Variants in LPGAT1 observed in about 807,000 individuals in gnomAD.
LPGAT1 encodes acyl-CoA:lysophosphatidylglycerol acyltransferase 1.
LPGAT1 carries 11 observed loss-of-function variants against 47.5 expected under a neutral mutation model. The observed-to-expected ratio is 0.23, with a 90% CI of 0.15 to 0.38. The LOEUF (loss-of-function observed/expected upper bound fraction) is 0.38. LPGAT1 is among the 10% of genes least tolerant of loss of function. The probability of loss-of-function intolerance (pLI) is 1.00; values close to 1 mark genes in which losing one functional copy is unlikely to be tolerated. For missense variants in LPGAT1, 293 were observed against 439.0 expected (o/e 0.67, Z 2.97); for synonymous variants, 138 against 144.2 (o/e 0.96, Z 0.31).
intron 2 of LPGAT1, among the ~76,000 whole-genome samples, chr1:211,806,604 C>T (rs926410272): frequency 6.6e-6 from 1 of 152,158 alleles, no homozygotes; most frequent in African/African-American, 2.4e-5. Context: ...GAAACCCAAA[C>T]TTCAGCATCA....
intron 2 of LPGAT1, among the ~76,000 whole-genome samples, chr1:211,821,687 G>A (rs1004852030): frequency 1.2e-4 from 18 of 152,134 alleles, no homozygotes; most frequent in African/African-American, 4.3e-4. Context: ...GACTAAGATT[G>A]GGTGAGGAAG....
Position 211,788,996 on chromosome 1 carries a change from T to C in LPGAT1, c.358-1269A>G, listed in dbSNP as rs188710673. ...AATATTACAGCTTCTGCCTTAGTTT[T>C]CCAGCTACACAACTCCTACTCCATC... On this transcript the variant is annotated intron_variant, in intron 3 of 7. Transcript: ENST00000366997. 5.3e-5 allele frequency among the ~76,000 whole-genome samples: 8 copies of C among 152,338 alleles called. No individual in the cohort carries two copies. The East Asian group carries it at 1.5e-3, about 29-fold the overall frequency.
Position 211,783,970 on chromosome 1 carries a change from TGAG to T in LPGAT1, c.454-471_454-469del, listed in dbSNP as rs762664050. On this transcript the variant is annotated intron_variant, in intron 4 of 7. Transcript: ENST00000366997. ...TCAAGAGGGTCAGAGAAAGCTGCTATGAGGAGGTGACATTTGAGCAGAACTGAT... is the reference window on the plus strand; with the variant it reads ...TCAAGAGGGTCAGAGAAAGCTGCTATGAGGTGACATTTGAGCAGAACTGAT... Among the ~76,000 whole-genome samples, 184 of 152,294 alleles carry T rather than the reference TGAG, an allele frequency of 1.2e-3. 1 individual carries two copies. Among genetic ancestry groups the T allele is most frequent in the Admixed American group, 3.0e-3 (46 of 15,300 alleles).
chr1:211,828,173 G>C (rs1244107632), intron 2 of LPGAT1, among the ~76,000 whole-genome samples: 1 of 152,214 alleles, frequency 6.6e-6, no homozygotes. Context: ...TGATCTTCAA[G>C]GAGCCTGCCT....
At chr1:211,772,298 C>G (rs1179364119) in intron 6 of LPGAT1, among the ~76,000 whole-genome samples, 1 of 152,150 alleles carries the variant, frequency 6.6e-6, no homozygotes, top group Non-Finnish European at 1.5e-5. Context: ...TGGACTTCCT[C>G]CTATAACTAC....
Position 211,770,372 on chromosome 1 carries a change from T to C in LPGAT1, c.854+8546A>G, listed in dbSNP as rs61828463. Among the ~76,000 whole-genome samples, 434 of 152,350 alleles carry C rather than the reference T, an allele frequency of 2.8e-3. 1 individual carries two copies. Among genetic ancestry groups the C allele is most frequent in the Non-Finnish European group, 5.4e-3 (367 of 68,034 alleles). ...AATAGTATTTTGCCCTGTTTTGCAT[T>C]TCCCTGATCTTTTCATATATTTTTA... On this transcript the variant is annotated intron_variant, in intron 6 of 7. Transcript: ENST00000366997.
chr1:211,796,943 A>C (rs558542668), intron 2 of LPGAT1, among the ~76,000 whole-genome samples: 22 of 152,292 alleles, frequency 1.4e-4, no homozygotes, highest in Non-Finnish European at 2.5e-4. Context: ...ACCAAGACTC[A>C]CATAGCATGC....
intron 6 of LPGAT1, among the ~76,000 whole-genome samples, chr1:211,751,556 A>C (rs549853840): frequency 6.6e-6 from 1 of 152,128 alleles, no homozygotes; most frequent in African/African-American, 2.4e-5. Context: ...TACTGCTTTC[A>C]TGAATAGGGG....
At chr1:211,823,853 G>A (rs972906905) in intron 2 of LPGAT1, among the ~76,000 whole-genome samples, 1 of 151,196 alleles carries the variant, frequency 6.6e-6, no homozygotes, top group African/African-American at 2.4e-5. Flanking sequence ...CAGGAGAATC[G>A]CTTTTGAGTC....
rs936117060 is a variant in LPGAT1 at position 211,830,465 on chromosome 1, G to A, written c.-28+108C>T. 2.6e-6 allele frequency: 3 copies of A among 1,176,056 alleles called. No individual in the cohort carries two copies. The highest frequency in any genetic ancestry group is 7.2e-5 in the East Asian group (2 of 27,654). 72.9% of individuals were successfully genotyped at this position (1,176,056 alleles called of 1,614,324 possible). On this transcript the variant is annotated intron_variant, in intron 1 of 7. Transcript: ENST00000366997. The surrounding 1 kb of genome is among the most constrained non-coding windows in gnomAD (Gnocchi z 5.9). ...CGCCCTCGTCCCTCAGGCCGCTGCC[G>A]CCTCCCCGGGCCACGCGACGACGAC...
chr1:211,770,534 G>A (rs752873247), intron 6 of LPGAT1, among the ~76,000 whole-genome samples: 50 of 152,102 alleles, frequency 3.3e-4, no homozygotes, highest in Non-Finnish European at 5.6e-4. Context: ...AGTCAACGAC[G>A]GACTGCATAT....
intron 6 of LPGAT1, among the ~76,000 whole-genome samples, chr1:211,753,541 C>T (rs1370119439): frequency 6.6e-6 from 1 of 151,606 alleles, no homozygotes. Flanking sequence ...TCCTATTGTT[C>T]TCAGTCTTTT....
In LPGAT1 at chr1:211,749,833, A is replaced by G. The variant is rs190994523; in HGVS notation, c.*66T>C. 79 of 1,504,376 alleles carry G rather than the reference A, an allele frequency of 5.3e-5. No individual in the cohort carries two copies. In the African/African-American group the frequency reaches 7.0e-4, roughly 13 times the overall value. 93.2% of individuals were successfully genotyped at this position (1,504,376 alleles called of 1,614,324 possible). A position where few individuals can be genotyped will look rare whatever the true frequency, so the allele number is the denominator to read the frequency against. ...AATATATTCTGATTTGCACATGTAA[A>G]ATAATGCACACTTATGAAAGAAAGT... is the stretch of plus-strand genomic sequence containing the variant. On this transcript the variant is annotated 3_prime_UTR_variant, in exon 8 of 8. Transcript: ENST00000366997.
rs1656913076 is a variant in LPGAT1, at chr1:211,745,645, C to G, written c.*4254G>C. On this transcript the variant is annotated 3_prime_UTR_variant, in exon 8 of 8. Coordinates refer to ENST00000366997, the MANE Select transcript of LPGAT1 (RefSeq NM_014873.3). ...CCATGTGGCTACAGTCACCCTTCCC[C>G]AACAGTTCAGCACCCTCAGCTTATT... The G allele has an allele frequency of 6.6e-6, 1 of 152,636 alleles. No individual in the cohort carries two copies. Among genetic ancestry groups the G allele is most frequent in the Non-Finnish European group, 1.5e-5 (1 of 68,048 alleles). 9.5% of individuals were successfully genotyped at this position (152,636 alleles called of 1,614,324 possible).
At chr1:211,769,088 C>T (rs1244747185) in intron 6 of LPGAT1, among the ~76,000 whole-genome samples, 1 of 152,102 alleles carries the variant, frequency 6.6e-6, no homozygotes, top group Non-Finnish European at 1.5e-5. Context: ...AGCACAGACA[C>T]AATTTGACTT....
intron 2 of LPGAT1, among the ~76,000 whole-genome samples, chr1:211,800,990 C>A (rs531355354): frequency 6.6e-6 from 1 of 152,302 alleles, no homozygotes; most frequent in Admixed American, 6.5e-5. Context: ...TTGGGGTTCC[C>A]CAGTGAAATA....
At chr1:211,771,592 C>T (rs184926358) in intron 6 of LPGAT1, among the ~76,000 whole-genome samples, 142 of 152,194 alleles carry the variant, frequency 9.3e-4, no homozygotes, top group Non-Finnish European at 1.6e-3. Flanking sequence ...CATCCTCCGC[C>T]TCCTGGGTTC....
chr1:211,785,186 T>C (rs1291764920), intron 4 of LPGAT1, among the ~76,000 whole-genome samples: 1 of 152,142 alleles, frequency 6.6e-6, no homozygotes, highest in Non-Finnish European at 1.5e-5. Flanking sequence ...TTAGTATGCT[T>C]TCAGTCTTTA....
intron 2 of LPGAT1, among the ~76,000 whole-genome samples, chr1:211,810,802 C>T (rs368382772): frequency 1.3e-5 from 2 of 152,048 alleles, no homozygotes; most frequent in African/African-American, 4.8e-5. Context: ...CGGGTAGTAA[C>T]CTTCCTGGGG....
Sources: allele counts gnomAD v4.1 joint callset (sites outside exome capture counted in the v4.1 genomes callset), GRCh38; gene constraint gnomAD v4.1.1; non-coding constraint Gnocchi (gnomAD v3.1); transcripts MANE v1.5; gene names NCBI Gene and HGNC (gene_info 2026-07-23, HGNC 2026-07-21).